The following TMF1 variants were observed in gnomAD, a reference collection of about 807,000 sequenced individuals.
The protein encoded by TMF1 is TATA element modulatory factor 1.
A neutral mutation model predicts 126.5 loss-of-function variants in TMF1; 71 were observed. The observed-to-expected ratio is 0.56, with a 90% CI of 0.46 to 0.68. TMF1 has a LOEUF of 0.68. TMF1 is among the 30% of genes least tolerant of loss of function. The probability of loss-of-function intolerance (pLI) is 0.00; values close to 1 mark genes in which losing one functional copy is unlikely to be tolerated. For missense variants in TMF1, 1,259 were observed against 1,253.2 expected, an observed-to-expected ratio of 1.00 and a Z score of -0.07; for synonymous variants, 461 against 430.5, an observed-to-expected ratio of 1.07 and a Z score of -0.88.
intron 6 of TMF1, among the ~76,000 whole-genome samples, 167 bp from the exon 7 acceptor site, chr3:69,039,176 C>G (rs1217810122): frequency 6.6e-6 from 1 of 152,184 alleles, no homozygotes; most frequent in East Asian, 1.9e-4. Flanking sequence ...ACCTCTGCCT[C>G]CCAGCTTCAG....
At position 69,048,553 on chromosome 3, in the gene TMF1, G is replaced by A. The variant is rs750924359; in HGVS notation, c.152C>T (p.Ser51Phe). Reference protein sequence around the residue: ...TIPYGEPGISSPVSGGWDTST... With the variant: ...TIPYGEPGISFPVSGGWDTST... ...AGTATCCCATCCTCCACTGACAGGG[G>A]AACTTATTCCTTTAACAAAAAAGTA... Residue 51 changes from serine (S) to phenylalanine (F), a missense_variant, in exon 2 of 17, where the codon TCC becomes TTC. Physicochemically the swap from Ser to Phe is radical, Grantham distance 155. Coordinates refer to ENST00000398559, the MANE Select transcript of TMF1 (RefSeq NM_007114.3). 6.3e-7 allele frequency: 1 copy of A among 1,578,364 alleles called. No individual in the cohort carries two copies. Among genetic ancestry groups the A allele is most frequent in the Non-Finnish European group, 8.6e-7 (1 of 1,164,620 alleles).
Position 69,048,123 on chromosome 3 carries a change from C to T in TMF1, c.582G>A (p.Leu194=). 1 of 1,614,192 alleles carries T rather than the reference C, an allele frequency of 6.2e-7. No individual in the cohort carries two copies. Among genetic ancestry groups the T allele is most frequent in the South Asian group, 1.1e-5 (1 of 91,086 alleles). ...CATCAATTACACTTTCAGATACTTTCAAACTTACAGTTGGCACCTTCATAT... is the reference window on the plus strand; with the variant it reads ...CATCAATTACACTTTCAGATACTTTTAAACTTACAGTTGGCACCTTCATAT... The part of the protein sequence containing the change: ...ESDMKVPTVS[L]KVSESVIDVK... Residue 194 remains leucine (L), a synonymous_variant, in exon 2 of 17, where the codon TTG becomes TTA. Coordinates refer to ENST00000398559, the MANE Select transcript of TMF1 (RefSeq NM_007114.3).
At chr3:69,050,228 C>G (rs2091918966) in intron 1 of TMF1, among the ~76,000 whole-genome samples, 1 of 150,668 alleles carries the variant, frequency 6.6e-6, no homozygotes, top group African/African-American at 2.4e-5. Context: ...CCACTGCACT[C>G]CAGCCTGGAT....
At chr3:69,044,997 C>T (rs949485077) in intron 2 of TMF1, among the ~76,000 whole-genome samples, 1 of 152,104 alleles carries the variant, frequency 6.6e-6, no homozygotes, top group Admixed American at 6.5e-5. Context: ...GAATAATCTG[C>T]ATACACACCA....
chr3:69,028,100 A>C, intron 12 of TMF1, 108 bp from the exon 13 acceptor site: 1 of 1,116,760 alleles, frequency 9.0e-7, no homozygotes, highest in East Asian at 2.4e-5. Context: ...TTGTTTTCCT[A>C]CTAAAGACCA....
In TMF1 at chr3:69,027,978, A is replaced by G; in HGVS notation, c.2679T>C (p.Ser893=). Residue 893 remains serine (S), a synonymous_variant, in exon 13 of 17, where the codon AGT becomes AGC. Coordinates refer to ENST00000398559, the MANE Select transcript of TMF1 (RefSeq NM_007114.3). ...CTTTCATTCTTTCCATTTCTAACTGACTATTCAACAATGTCTAATAGAGAG... is the reference window on the plus strand; with the variant it reads ...CTTTCATTCTTTCCATTTCTAACTGGCTATTCAACAATGTCTAATAGAGAG... ...ETRKEKTLLN[S]QLEMERMKVE... 1.3e-6 allele frequency: 2 copies of G among 1,568,192 alleles called. No individual in the cohort carries two copies. Among genetic ancestry groups the G allele is most frequent in the Non-Finnish European group, 1.8e-6 (2 of 1,140,920 alleles).
At chr3:69,025,501 CTATT>C (rs1191760708) in intron 15 of TMF1, 55 bp downstream of exon 15, 4 of 1,480,172 alleles carry the variant, frequency 2.7e-6, no homozygotes, top group East Asian at 2.3e-5. Context: ...ATGAAGGGTG[CTATT>C]TATTAGGCCT....
In TMF1 at chr3:69,024,057, T is replaced by G. The variant is rs770715786; in HGVS notation, c.3136A>C (p.Arg1046=). The G allele has an allele frequency of 6.2e-6, 10 of 1,604,324 alleles. No individual in the cohort carries two copies. Among genetic ancestry groups the G allele is most frequent in the Non-Finnish European group, 6.8e-6 (8 of 1,177,106 alleles). ...ATCCTTAGGTGAAGAATACTTACTC[T>G]TAGCTGAGTTCTAAGTTTGGGTATC... ...KEIPKLRTQL[R]DLDQRYNTIL... is the part of the protein sequence containing the mutation. Residue 1046 remains arginine, a splice_region_variant and synonymous_variant, in exon 16 of 17, where the codon AGA becomes CGA. Transcript: ENST00000398559.
At chr3:69,031,124 G>A (rs2091799711) in intron 10 of TMF1, among the ~76,000 whole-genome samples, 1 of 152,128 alleles carries the variant, frequency 6.6e-6, no homozygotes, top group Admixed American at 6.5e-5. Context: ...ATTACACTGA[G>A]TGAAAAAAGC....
At chr3:69,041,125 T>C (rs1201807711) in intron 5 of TMF1, among the ~76,000 whole-genome samples, 1 of 152,226 alleles carries the variant, frequency 6.6e-6, no homozygotes, top group Non-Finnish European at 1.5e-5. Context: ...TCGATATTAA[T>C]ATTTCAAATA....
chr3:69,039,566 C>T lies in TMF1; in HGVS notation c.1812G>A (p.Leu604=). The T allele has an allele frequency of 6.2e-7, 1 of 1,611,310 alleles. No homozygotes were observed. Residue 604 remains leucine, a synonymous_variant, in exon 6 of 17, where the codon TTG becomes TTA. Transcript: ENST00000398559. ...TGCTATTCACCTGTTTCAAATGCTG[C>T]AACTCCTCTTCTAGCTCTTTAACTT... ...NKKVKELEEE[L]QHLKQVLDGK...
chr3:69,027,847 A>G (rs1435945097), intron 13 of TMF1, 53 bp downstream of exon 13: 5 of 898,504 alleles, frequency 5.6e-6, no homozygotes, highest in Non-Finnish European at 8.8e-6. Flanking sequence ...ATGATTAATC[A>G]CAGCATCTAC....
chr3:69,038,468 C>T, intron 8 of TMF1, 96 bp downstream of exon 8: 1 of 1,329,876 alleles, frequency 7.5e-7, no homozygotes, highest in Non-Finnish European at 1.0e-6. Flanking sequence ...ACACATGTAT[C>T]ACTACATTGT....
In TMF1 at chr3:69,033,428, A is replaced by T. The variant is rs545738735; in HGVS notation, c.2401+120T>A. 20 of 1,134,696 alleles carry T rather than the reference A, an allele frequency of 1.8e-5. No homozygotes were observed. The South Asian group carries it at 3.6e-4, about 20-fold the overall frequency. The allele number at this position is 1,134,696 out of a possible 1,614,324, so 70.3% of individuals were successfully genotyped here. On this transcript the variant is annotated intron_variant, in intron 10 of 16. Transcript: ENST00000398559. ...AGAAAAAGAGAAAATGTAAAAATCT[A>T]CATATTAGACACAAAATGTAACTAT...
At position 69,038,901 on chromosome 3, in the gene TMF1, T is replaced by C. The variant is rs538875767; in HGVS notation, c.1936A>G (p.Met646Val). Residue 646 changes from methionine (M) to valine (V), a missense_variant, in exon 7 of 17, where the codon ATG (methionine) becomes GTG (valine). Transcript: ENST00000398559. The stretch of plus-strand genomic sequence containing the variant: ...CGGTTCTTTTCTTCAAGTTCATCCA[T>C]GTCTACCTGAAGACGGCCAAGATCT... ...EKDLGRLQVD[M>V]DELEEKNRSI... 31 of 1,612,520 alleles carry C rather than the reference T, an allele frequency of 1.9e-5. No individual in the cohort carries two copies. The South Asian group carries it at 2.4e-4, about 13-fold the overall frequency.
At position 69,052,261 on chromosome 3, in the gene TMF1, C is replaced by A; in HGVS notation, c.-175G>T. The A allele has an allele frequency of 3.2e-6, 2 of 617,964 alleles. No homozygotes were observed. The highest frequency in any genetic ancestry group is 2.3e-5 in the South Asian group (1 of 43,060). 38.3% of individuals were successfully genotyped at this position (617,964 alleles called of 1,614,324 possible). The stretch of plus-strand genomic sequence containing the variant: ...CCGGGATGTTACCCTCGGCCGTTCC[C>A]GCACAGCTGAGACGAAGGGGGCCCA... On this transcript the variant is annotated 5_prime_UTR_variant, in exon 1 of 17. Transcript: ENST00000398559.
chr3:69,030,239 A>T, intron 10 of TMF1: 3 of 406,104 alleles, frequency 7.4e-6, no homozygotes, highest in Non-Finnish European at 1.3e-5. Flanking sequence ...GTCATGCATT[A>T]AAAGAGTAGT....
Position 69,052,218 on chromosome 3 carries a change from C to G in TMF1, c.-132G>C, listed in dbSNP as rs41291197. The G allele has an allele frequency of 9.9e-7, 1 of 1,015,078 alleles. No homozygotes were observed. The highest frequency in any genetic ancestry group is 1.4e-6 in the Non-Finnish European group (1 of 726,614). 62.9% of individuals were successfully genotyped at this position (1,015,078 alleles called of 1,614,324 possible). A position where few individuals can be genotyped will look rare whatever the true frequency, so the allele number is the denominator to read the frequency against. On this transcript the variant is annotated 5_prime_UTR_variant, in exon 1 of 17. Coordinates refer to ENST00000398559, the MANE Select transcript of TMF1 (RefSeq NM_007114.3). ...TTCTGTCAGCGTGTGGCCATTACCC[C>G]GACAGCCTCCCGCGAGCCCGGGATG...
Position 69,052,115 on chromosome 3 carries a change from G to A in TMF1, c.-29C>T, listed in dbSNP as rs1480840271. On this transcript the variant is annotated 5_prime_UTR_variant, in exon 1 of 17. Coordinates refer to ENST00000398559, the MANE Select transcript of TMF1 (RefSeq NM_007114.3). Reference sequence around the variant, plus strand: ...CCCTCCTCAGCCGGCAGTGGCGGCGGCAGCACCAAGCGGGAAGGCCTCAGG... The same window carrying A: ...CCCTCCTCAGCCGGCAGTGGCGGCGACAGCACCAAGCGGGAAGGCCTCAGG... The A allele has an allele frequency of 1.3e-6, 2 of 1,594,024 alleles. No homozygotes were observed. The highest frequency in any genetic ancestry group is 2.3e-5 in the East Asian group (1 of 44,226).
Sources: gnomAD v4.1 joint callset for allele counts (sites outside exome capture counted in the v4.1 genomes callset) on GRCh38, gnomAD v4.1.1 for gene constraint, MANE v1.5 for transcripts, NCBI Gene and HGNC (gene_info 2026-07-23, HGNC 2026-07-21) for gene names.